Variants in ESR1 observed in about 807,000 individuals in gnomAD.
The protein encoded by ESR1 is estrogen receptor 1.
Under a neutral mutation model 52.7 loss-of-function variants are expected in ESR1, and 12 were observed. That is an observed-to-expected ratio of 0.23 (90% CI 0.15 to 0.37). The LOEUF (loss-of-function observed/expected upper bound fraction) is 0.37. ESR1 is among the 10% of genes least tolerant of loss of function. The pLI is 1.00. For synonymous variants in ESR1, 305 were observed against 316.8 expected (o/e 0.96, Z 0.39); for missense variants, 584 against 779.7 (o/e 0.75, Z 2.99).
intron 2 of ESR1, among the ~76,000 whole-genome samples, chr6:151,738,584 T>C (rs17081635): frequency 0.049 from 7,431 of 152,222 alleles, 617 homozygotes; most frequent in African/African-American, 0.17. Flanking sequence ...GAGGATCAAT[T>C]GTTCTGAACA....
intron 2 of ESR1, among the ~76,000 whole-genome samples, chr6:151,879,838 A>G (rs1792497102): frequency 6.6e-6 from 1 of 152,118 alleles, no homozygotes; most frequent in Non-Finnish European, 1.5e-5. Flanking sequence ...GAAGGACTGA[A>G]CTTCGTCACC....
chr6:151,873,458 AC>A (rs1314166969), intron 2 of ESR1, among the ~76,000 whole-genome samples: 2 of 152,106 alleles, frequency 1.3e-5, no homozygotes, highest in African/African-American at 2.4e-5. Flanking sequence ...TTATGGAATT[AC>A]CCCCAGATAG....
downstream of ESR1, among the ~76,000 whole-genome samples, chr6:152,107,926 G>A (rs1239852029): frequency 2.0e-5 from 3 of 152,136 alleles, no homozygotes; most frequent in African/African-American, 7.2e-5. Flanking sequence ...ACAGCTGAGC[G>A]TGTATCCAAT....
At chr6:151,975,278 T>C (rs551888466) in intron 4 of ESR1, among the ~76,000 whole-genome samples, 25 of 152,220 alleles carry the variant, frequency 1.6e-4, no homozygotes, top group Non-Finnish European at 2.6e-4. Context: ...GAGGCAACTT[T>C]GAATGCTGCT....
At chr6:151,971,870 G>C (rs77094839) in intron 4 of ESR1, among the ~76,000 whole-genome samples, 1 of 152,034 alleles carries the variant, frequency 6.6e-6, no homozygotes, top group African/African-American at 2.4e-5. Context: ...GAAACAAAAG[G>C]CTGTTTTTTT....
Position 152,099,432 on chromosome 6 carries a change from A to G in ESR1, c.*466A>G. ...TGGTGACTTGGAGAAAGCTAGGTCA[A>G]GGGTTTATTATAGCACCCTCTTGTA... On this transcript the variant is annotated 3_prime_UTR_variant, in exon 8 of 8. Coordinates refer to ENST00000206249, the MANE Select transcript of ESR1 (RefSeq NM_000125.4). 1 of 317,848 alleles carries G rather than the reference A, an allele frequency of 3.1e-6. No homozygotes were observed. The allele number at this position is 317,848 out of a possible 1,614,324, so 19.7% of individuals were successfully genotyped here. A position where few individuals can be genotyped will look rare whatever the true frequency, so the allele number is the denominator to read the frequency against.
Position 152,028,366 on chromosome 6 carries a change from G to A in ESR1, c.1235+16572G>A, listed in dbSNP as rs575975820. ...CGAGGCATCGCCTCACCTGGGAAGT[G>A]CAAGGGGTCAGGGAATTCCCTTTCC... On this transcript the variant is annotated intron_variant, in intron 5 of 7. Coordinates refer to ENST00000206249, the MANE Select transcript of ESR1 (RefSeq NM_000125.4). Among the ~76,000 whole-genome samples the A allele has an allele frequency of 3.3e-5, 5 of 152,314 alleles. No homozygotes were observed. In the East Asian group the frequency reaches 5.8e-4, roughly 18 times the overall value.
chr6:152,115,526 T>C (rs1032046431), intron 6 of ESR1, among the ~76,000 whole-genome samples: 4 of 151,740 alleles, frequency 2.6e-5, no homozygotes, highest in Non-Finnish European at 5.9e-5. Context: ...AATCTTAAAA[T>C]AAAAAAAGGC....
chr6:151,978,688 A>G (rs1430591790), intron 4 of ESR1, among the ~76,000 whole-genome samples: 2 of 152,170 alleles, frequency 1.3e-5, no homozygotes, highest in African/African-American at 4.8e-5. Flanking sequence ...ATGCCAACTG[A>G]AAATGAGAAG....
chr6:151,674,311 T>G (rs559387599), intron 1 of ESR1, among the ~76,000 whole-genome samples: 4 of 152,344 alleles, frequency 2.6e-5, no homozygotes, highest in African/African-American at 9.6e-5. Context: ...GTTAGTTTGC[T>G]GAGAATGACG....
chr6:151,820,230 T>A (rs890634949), intron 1 of ESR1, among the ~76,000 whole-genome samples: 1 of 152,186 alleles, frequency 6.6e-6, no homozygotes, highest in Non-Finnish European at 1.5e-5. Context: ...GAAGAGGAAC[T>A]GAGTGGTACT....
chr6:151,676,567 A>G (rs919935313), intron 1 of ESR1, among the ~76,000 whole-genome samples: 8 of 152,276 alleles, frequency 5.3e-5, no homozygotes, highest in Admixed American at 1.3e-4. Flanking sequence ...CTACGCTTGA[A>G]ATATCATGCT....
At chr6:151,815,704 C>T (rs571087261) in intron 1 of ESR1, among the ~76,000 whole-genome samples, 5 of 152,310 alleles carry the variant, frequency 3.3e-5, no homozygotes, top group East Asian at 1.9e-4. Flanking sequence ...GACTTACTGA[C>T]GTTTATTTGT....
chr6:152,052,059 G>A (rs1300262049), intron 5 of ESR1, among the ~76,000 whole-genome samples: 1 of 152,158 alleles, frequency 6.6e-6, no homozygotes, highest in African/African-American at 2.4e-5. Context: ...GAAGCATGGC[G>A]CCAGCATCTA....
At chr6:151,837,659 T>C (rs1334670967) in intron 1 of ESR1, among the ~76,000 whole-genome samples, 5 of 152,228 alleles carry the variant, frequency 3.3e-5, no homozygotes, top group African/African-American at 1.2e-4. Flanking sequence ...CTCTATTTCT[T>C]TCCAGAGAAT....
Position 151,987,068 on chromosome 6 carries a change from C to CA in ESR1, c.1097-24587dup, listed in dbSNP as rs147012323. ...CTCTGAGACCTTGGTCTTTTCCAGG[C>CA]AGATCACTTACATTTCCTCACAGAT... is the stretch of plus-strand genomic sequence containing the variant. On this transcript the variant is annotated intron_variant, in intron 4 of 7. Coordinates refer to ENST00000206249, the MANE Select transcript of ESR1 (RefSeq NM_000125.4). Among the ~76,000 whole-genome samples, 1,167 of 152,076 alleles carry CA rather than the reference C, an allele frequency of 7.7e-3. 24 individuals are homozygous for CA. Among genetic ancestry groups the CA allele is most frequent in the African/African-American group, 0.026 (1,080 of 41,416 alleles).
chr6:152,036,923 G>A (rs1016239404), intron 5 of ESR1, among the ~76,000 whole-genome samples: 9 of 152,206 alleles, frequency 5.9e-5, no homozygotes, highest in Non-Finnish European at 5.9e-5. Context: ...CTAGGTCAGA[G>A]TGCAGCATTA....
chr6:151,978,797 A>T lies in ESR1; in HGVS notation c.1097-32859A>T, dbSNP rs9479157. ...TTCAAAAAAAGAGGGTAGTATAATGACATTATCAAATAAAAACCATCCCTT... is the reference window on the plus strand; with the variant it reads ...TTCAAAAAAAGAGGGTAGTATAATGTCATTATCAAATAAAAACCATCCCTT... On this transcript the variant is annotated intron_variant, in intron 4 of 7. Transcript: ENST00000206249. 5.5e-3 allele frequency among the ~76,000 whole-genome samples: 833 copies of T among 152,330 alleles called. 10 individuals are homozygous for T. The highest frequency in any genetic ancestry group is 0.019 in the African/African-American group (780 of 41,568).
chr6:151,875,626 G>C (rs1375808288), intron 2 of ESR1, among the ~76,000 whole-genome samples: 1 of 152,108 alleles, frequency 6.6e-6, no homozygotes, highest in Non-Finnish European at 1.5e-5. Flanking sequence ...ATGGCTGGAA[G>C]GGCAGATAAG....
Sources: gnomAD v4.1 joint callset for allele counts (sites outside exome capture counted in the v4.1 genomes callset) on GRCh38, gnomAD v4.1.1 for gene constraint, MANE v1.5 for transcripts, NCBI Gene and HGNC (gene_info 2026-07-23, HGNC 2026-07-21) for gene names.